Variants in EYS observed in about 807,000 individuals in gnomAD.
EYS encodes EGF-like photoreceptor maintenance factor.
EYS carries 250 observed loss-of-function variants against 282.1 expected under a neutral mutation model. That is an observed-to-expected ratio of 0.89 (90% CI 0.80 to 0.98). The LOEUF is 0.98. Among genes scored for constraint, EYS ranks in the 50% least tolerant of loss-of-function variants. EYS has a pLI of 0.00. For missense variants in EYS, 4,016 were observed against 3,709.0 expected (o/e 1.08, Z -2.15); for synonymous variants, 1,355 against 1,282.9 (o/e 1.06, Z -1.20).
At chr6:64,544,817 C>A (rs1036884824) in intron 26 of EYS, among the ~76,000 whole-genome samples, 4 of 152,068 alleles carry the variant, frequency 2.6e-5, no homozygotes, top group Non-Finnish European at 5.9e-5. Flanking sequence ...CAAGACTAAA[C>A]CAGGAAGAAG....
intron 13 of EYS, among the ~76,000 whole-genome samples, chr6:65,023,808 G>C (rs2150139938): frequency 6.6e-6 from 1 of 152,288 alleles, no homozygotes; most frequent in Non-Finnish European, 1.5e-5. Context: ...ATGGCAGTAG[G>C]GTAGTCAAAC....
intron 23 of EYS, among the ~76,000 whole-genome samples, chr6:64,619,659 T>C (rs939589273): frequency 1.3e-5 from 2 of 152,060 alleles, no homozygotes; most frequent in Non-Finnish European, 2.9e-5. Flanking sequence ...CTTTCATTGT[T>C]GTTGTTTTTG....
chr6:63,908,651 A>G (rs1243655396), intron 35 of EYS, among the ~76,000 whole-genome samples: 3 of 151,738 alleles, frequency 2.0e-5, no homozygotes, highest in African/African-American at 4.9e-5. Flanking sequence ...GGGTTTCACA[A>G]TGTTAGCCAG....
intron 12 of EYS, among the ~76,000 whole-genome samples, chr6:65,263,211 T>C (rs542635985): frequency 6.6e-6 from 1 of 151,948 alleles, no homozygotes; most frequent in African/African-American, 2.4e-5. Flanking sequence ...CATGGTGGGG[T>C]GCACTTGTAG....
At position 63,727,737 on chromosome 6, in the gene EYS, A is replaced by AATATATATATAT. The variant is rs70999122; in HGVS notation, c.8072-1069_8072-1058dup. Among the ~76,000 whole-genome samples, 16 of 36,730 alleles carry AATATATATATAT rather than the reference A, an allele frequency of 4.4e-4. 1 individual carries two copies. Among genetic ancestry groups the AATATATATATAT allele is most frequent in the African/African-American group, 1.6e-3 (6 of 3,760 alleles). The allele number at this position is 36,730 out of a possible 152,430, so 24.1% of individuals were successfully genotyped here. A position where few individuals can be genotyped will look rare whatever the true frequency, so the allele number is the denominator to read the frequency against. ...AAAAAAAAAAAAAAAAAAAAAAAAAAATATATATATATATGTTAGCTGGGC... is the reference window on the plus strand; with the variant it reads ...AAAAAAAAAAAAAAAAAAAAAAAAAAATATATATATATATATATATATATATGTTAGCTGGGC... On this transcript the variant is annotated intron_variant, in intron 41 of 42. Transcript: ENST00000503581.
intron 2 of EYS, among the ~76,000 whole-genome samples, chr6:65,558,893 T>A (rs1473779): frequency 0.54 from 82,092 of 151,996 alleles, 22,165 homozygotes; most frequent in East Asian, 0.7. Flanking sequence ...ATATCCTAGT[T>A]TCCTTAATTA....
At chr6:65,293,976 A>G (rs527402165) in intron 12 of EYS, among the ~76,000 whole-genome samples, 23 of 151,850 alleles carry the variant, frequency 1.5e-4, no homozygotes, top group African/African-American at 5.3e-4. Flanking sequence ...TTGGAGACGG[A>G]GGGAGAGAAA....
intron 35 of EYS, among the ~76,000 whole-genome samples, chr6:63,882,613 G>T (rs552955277): frequency 5.9e-5 from 9 of 152,310 alleles, no homozygotes; most frequent in African/African-American, 2.2e-4. Context: ...TCTAGATGGT[G>T]AGACAAGAAT....
intron 1 of EYS, among the ~76,000 whole-genome samples, chr6:65,696,728 T>C (rs1048750253): frequency 6.6e-6 from 1 of 152,072 alleles, no homozygotes; most frequent in Admixed American, 6.6e-5. Flanking sequence ...GCTATTTTAA[T>C]AATGATAAAT....
intron 12 of EYS, among the ~76,000 whole-genome samples, chr6:65,267,196 A>G (rs1767780863): frequency 6.6e-6 from 1 of 151,812 alleles, no homozygotes; most frequent in Non-Finnish European, 1.5e-5. Flanking sequence ...AAAAGCTCCA[A>G]TTTTCAATTA....
chr6:65,179,122 A>G (rs1765304956), intron 12 of EYS, among the ~76,000 whole-genome samples: 1 of 152,120 alleles, frequency 6.6e-6, no homozygotes, highest in South Asian at 2.1e-4. Context: ...AAGATCTAAA[A>G]TTGACACCCT....
chr6:65,390,116 C>A (rs371940845), intron 7 of EYS, among the ~76,000 whole-genome samples: 27 of 151,716 alleles, frequency 1.8e-4, no homozygotes, highest in African/African-American at 6.3e-4. Flanking sequence ...CAATTACAGG[C>A]ATGATAACTT....
intron 36 of EYS, among the ~76,000 whole-genome samples, chr6:63,849,687 A>T (rs750889142): frequency 6.6e-6 from 1 of 152,210 alleles, no homozygotes; most frequent in Non-Finnish European, 1.5e-5. Context: ...AGCATCAAAG[A>T]TCAAAGGTAG....
chr6:64,798,611 T>G lies in EYS; in HGVS notation c.3443+14767A>C, dbSNP rs541551075. On this transcript the variant is annotated intron_variant, in intron 22 of 42. Coordinates refer to ENST00000503581, the MANE Select transcript of EYS (RefSeq NM_001142800.2). ...CTGCCTGTTTCTTTGTTTCTGGTTTTTTTTTTTTTTTTTTTTGCATCATTA... is the reference window on the plus strand; with the variant it reads ...CTGCCTGTTTCTTTGTTTCTGGTTTGTTTTTTTTTTTTTTTTGCATCATTA... 1.1e-4 allele frequency among the ~76,000 whole-genome samples: 16 copies of G among 147,536 alleles called. No individual in the cohort carries two copies. In the East Asian group the frequency reaches 3.1e-3, roughly 29 times the overall value.
chr6:64,707,130 CATAT>C (rs35121534), intron 22 of EYS, among the ~76,000 whole-genome samples: 2,106 of 149,462 alleles, frequency 0.014, 48 homozygotes, highest in African/African-American at 0.049. Context: ...CACACACACA[CATAT>C]ATATATGTGT....
intron 31 of EYS, among the ~76,000 whole-genome samples, chr6:64,107,843 C>T (rs1773083929): frequency 6.6e-6 from 1 of 151,904 alleles, no homozygotes; most frequent in Non-Finnish European, 1.5e-5. Context: ...ATGATTAGGC[C>T]TCAATCTTTT....
At chr6:65,329,334 G>T (rs1364280006) in intron 11 of EYS, 2 of 833,938 alleles carry the variant, frequency 2.4e-6, no homozygotes, top group African/African-American at 1.9e-5. Context: ...ATGTGTATGG[G>T]TAATACAATG....
intron 26 of EYS, among the ~76,000 whole-genome samples, chr6:64,507,709 T>C (rs1777255300): frequency 1.3e-5 from 2 of 151,680 alleles, no homozygotes; most frequent in Non-Finnish European, 2.9e-5. Context: ...ATTTGGAAAC[T>C]TGGAGGGAGG....
At chr6:65,343,136 T>A (rs899492071) in intron 10 of EYS, among the ~76,000 whole-genome samples, 10 of 151,242 alleles carry the variant, frequency 6.6e-5, no homozygotes, top group Admixed American at 5.3e-4. Context: ...TACTTTTAGA[T>A]GTTCTGTGGT....
Sources: gnomAD v4.1 joint callset for allele counts (sites outside exome capture counted in the v4.1 genomes callset) on GRCh38, gnomAD v4.1.1 for gene constraint, MANE v1.5 for transcripts, NCBI Gene and HGNC (gene_info 2026-07-23, HGNC 2026-07-21) for gene names.